TGFBR1: variants seen among roughly 807,000 people sequenced by gnomAD.
TGFBR1 encodes transforming growth factor beta receptor 1.
TGFBR1 carries 20 observed loss-of-function variants against 55.1 expected under a neutral mutation model. The observed-to-expected ratio is 0.36, with a 90% CI of 0.26 to 0.53. The LOEUF is 0.53. Ranked by LOEUF, TGFBR1 falls within the 20% of genes least tolerant of loss-of-function variation. The pLI, the probability that TGFBR1 is intolerant of heterozygous loss-of-function variation, is 0.91. For missense variants in TGFBR1, 385 were observed against 617.6 expected, an observed-to-expected ratio of 0.62 and a Z score of 3.99; for synonymous variants, 220 against 214.8, an observed-to-expected ratio of 1.02 and a Z score of -0.21.
chr9:99,142,299 T>C (rs972713817), intron 4 of TGFBR1, among the ~76,000 whole-genome samples: 1 of 152,208 alleles, frequency 6.6e-6, no homozygotes, highest in African/African-American at 2.4e-5. Context: ...GTCTCTTAAA[T>C]GGGATTAATT....
At chr9:99,143,824 T>C (rs1281052185) in intron 5 of TGFBR1, among the ~76,000 whole-genome samples, 1 of 152,216 alleles carries the variant, frequency 6.6e-6, no homozygotes, top group Non-Finnish European at 1.5e-5. Flanking sequence ...CCCAAACTCC[T>C]TAGCCCTAGG....
At chr9:99,144,440 A>T (rs1827726505) in intron 5 of TGFBR1, among the ~76,000 whole-genome samples, 2 of 152,248 alleles carry the variant, frequency 1.3e-5, no homozygotes, top group South Asian at 4.1e-4. Flanking sequence ...GTTTCTTAAA[A>T]AGAATTCATA....
At chr9:99,138,803 CT>C (rs751810545) in intron 4 of TGFBR1, among the ~76,000 whole-genome samples, 144 of 145,388 alleles carry the variant, frequency 9.9e-4, no homozygotes, top group Middle Eastern at 3.5e-3. Flanking sequence ...ATGATTCCTA[CT>C]TTTTTTTTTT....
chr9:99,105,432 GGGCTCTCGTGGCGCCGCGC>G lies in TGFBR1; in HGVS notation c.97+136_97+154del, dbSNP rs1826380730. ...AGGTGGCGGCGCCGGGGCCCGGGCC[GGGCTCTCGTGGCGCCGCGC>G]GGCTCGGCGGCTGCCGGGCGAACCG... On this transcript the variant is annotated intron_variant, in intron 1 of 8. Transcript: ENST00000374994. 3 of 807,980 alleles carry G rather than the reference GGGCTCTCGTGGCGCCGCGC, an allele frequency of 3.7e-6. 1 individual carries two copies. The highest frequency in any genetic ancestry group is 1.5e-6 in the Non-Finnish European group (1 of 669,724). 50.1% of individuals were successfully genotyped at this position (807,980 alleles called of 1,614,324 possible).
upstream of TGFBR1, chr9:99,104,181 C>T (rs909707315): frequency 6.6e-6 from 1 of 152,156 alleles, no homozygotes; most frequent in Non-Finnish European, 1.5e-5. Flanking sequence ...TTAGTGACAC[C>T]TCAGGATTAT....
At position 99,118,473 on chromosome 9, in the gene TGFBR1, A is replaced by T. The variant is rs767300649; in HGVS notation, c.98-10382A>T. Among the ~76,000 whole-genome samples, 6 of 152,078 alleles carry T rather than the reference A, an allele frequency of 3.9e-5. No individual in the cohort carries two copies. The South Asian group carries it at 1.2e-3, about 32-fold the overall frequency. ...TTTTATTTAATCTGATTATTTCAGAATTTTTTTTAAATTCTGCAATTTACT... is the reference window on the plus strand; with the variant it reads ...TTTTATTTAATCTGATTATTTCAGATTTTTTTTTAAATTCTGCAATTTACT... On this transcript the variant is annotated intron_variant, in intron 1 of 8. Transcript: ENST00000374994.
Position 99,142,518 on chromosome 9 carries a change from G to A in TGFBR1, c.806-18G>A. 1 of 1,613,884 alleles carries A rather than the reference G, an allele frequency of 6.2e-7. No individual in the cohort carries two copies. The highest frequency in any genetic ancestry group is 8.5e-7 in the Non-Finnish European group (1 of 1,179,840). Reference sequence around the variant, plus strand: ...AAATGGTCTGCAGCCCAACCGAAATGTTAATTCTGTTTTACAGACAATGGT... The same window carrying A: ...AAATGGTCTGCAGCCCAACCGAAATATTAATTCTGTTTTACAGACAATGGT... On this transcript the variant is annotated intron_variant, in intron 4 of 8. Transcript: ENST00000374994.
rs1379821622 is a variant in TGFBR1 at position 99,129,415 on chromosome 9, TTTC to T, written c.343+322_343+324del. 9.9e-5 allele frequency among the ~76,000 whole-genome samples: 15 copies of T among 152,216 alleles called. 1 individual carries two copies. The highest frequency in any genetic ancestry group is 9.8e-4 in the Admixed American group (15 of 15,280). On this transcript the variant is annotated intron_variant, in intron 2 of 8. Transcript: ENST00000374994. ...GTCTCTACTTTGTTCTCAGAGTGAA[TTTC>T]TTCTTCCTTGTATAATGCTCCTATC... is the stretch of plus-strand genomic sequence containing the variant.
chr9:99,114,390 G>A (rs1011531086), intron 1 of TGFBR1, among the ~76,000 whole-genome samples: 4 of 152,164 alleles, frequency 2.6e-5, no homozygotes, highest in South Asian at 2.1e-4. Context: ...ATTGCCTATC[G>A]AGAATTCATG....
In TGFBR1 at chr9:99,153,635, T is replaced by G. The variant is rs1828032166; in HGVS notation, c.*4330T>G. 1 of 196,266 alleles carries G rather than the reference T, an allele frequency of 5.1e-6. No homozygotes were observed. 12.2% of individuals were successfully genotyped at this position (196,266 alleles called of 1,614,324 possible). A position where few individuals can be genotyped will look rare whatever the true frequency, so the allele number is the denominator to read the frequency against. On this transcript the variant is annotated 3_prime_UTR_variant, in exon 9 of 9. Transcript: ENST00000374994. ...GAAGAATGGAAGCAGTGCAAATAAA[T>G]TACATTTTTCCCAAGTGCCAGTGGC...
At chr9:99,127,738 T>C in intron 1 of TGFBR1, 1 of 358,824 alleles carries the variant, frequency 2.8e-6, no homozygotes. Context: ...GGCCATTCCG[T>C]GTACCTAGAC....
intron 1 of TGFBR1, among the ~76,000 whole-genome samples, chr9:99,122,114 G>A (rs558362986): frequency 4.2e-4 from 64 of 152,250 alleles, no homozygotes; most frequent in African/African-American, 1.5e-3. Flanking sequence ...TTCAAAGAGA[G>A]ATTTCAGTTG....
At chr9:99,104,973 T>C, upstream of TGFBR1, 1 of 206,340 alleles carries the variant, frequency 4.8e-6, no homozygotes, top group Non-Finnish European at 9.1e-6. Flanking sequence ...ATTGGCTGCC[T>C]GGCGGGCCCG....
At chr9:99,142,838 C>G in intron 5 of TGFBR1, 135 bp downstream of exon 5, 1 of 954,826 alleles carries the variant, frequency 1.0e-6, no homozygotes, top group Non-Finnish European at 1.6e-6. Context: ...GTGGGCAGAT[C>G]GCCCGATCTC....
chr9:99,144,838 A>G lies in TGFBR1; in HGVS notation c.1080A>G (p.Ser360=). 1 of 1,614,066 alleles carries G rather than the reference A, an allele frequency of 6.2e-7. No individual in the cohort carries two copies. The highest frequency in any genetic ancestry group is 8.5e-7 in the Non-Finnish European group (1 of 1,179,928). ...TAGGACTGGCAGTAAGACATGATTC[A>G]GCCACAGATACCATTGATATTGCTC... is the stretch of plus-strand genomic sequence containing the variant. ...ADLGLAVRHD[S]ATDTIDIAPN... The change falls in exon 6 of 9, where the codon TCA becomes TCG. Residue 360 remains serine, a synonymous_variant. Transcript: ENST00000374994.
chr9:99,136,968 A>G (rs1409342134), intron 3 of TGFBR1, among the ~76,000 whole-genome samples: 2 of 152,142 alleles, frequency 1.3e-5, no homozygotes, highest in East Asian at 3.8e-4. Flanking sequence ...CGGATGGTGG[A>G]TAGGATATTA....
chr9:99,151,308 G>T lies in TGFBR1; in HGVS notation c.*2003G>T, dbSNP rs2118885918. The stretch of plus-strand genomic sequence containing the variant: ...TGAAGCAAATGAATGAGTTTGAGAG[G>T]TTTGTTTTTATAGTTGTGTTGTATT... On this transcript the variant is annotated 3_prime_UTR_variant, in exon 9 of 9. Coordinates refer to ENST00000374994, the MANE Select transcript of TGFBR1 (RefSeq NM_004612.4). The T allele has an allele frequency of 4.3e-6, 1 of 230,026 alleles. No individual in the cohort carries two copies. Among genetic ancestry groups the T allele is most frequent in the Middle Eastern group, 1.3e-3 (1 of 756 alleles). The allele number at this position is 230,026 out of a possible 1,614,324, so 14.2% of individuals were successfully genotyped here.
chr9:99,105,170 G>T lies in TGFBR1; in HGVS notation c.-36G>T. The stretch of plus-strand genomic sequence containing the variant: ...GCTGGGGTGAGGCAGCGGCGCGGCC[G>T]GGCCGGGCCGGGCCACAGGCGGTGG... On this transcript the variant is annotated 5_prime_UTR_variant, in exon 1 of 9. Coordinates refer to ENST00000374994, the MANE Select transcript of TGFBR1 (RefSeq NM_004612.4). 9.2e-7 allele frequency: 1 copy of T among 1,083,292 alleles called. No homozygotes were observed. The highest frequency in any genetic ancestry group is 1.1e-6 in the Non-Finnish European group (1 of 892,850). The allele number at this position is 1,083,292 out of a possible 1,614,324, so 67.1% of individuals were successfully genotyped here. A position where few individuals can be genotyped will look rare whatever the true frequency, so the allele number is the denominator to read the frequency against.
At chr9:99,117,298 C>T (rs1171537706) in intron 1 of TGFBR1, among the ~76,000 whole-genome samples, 3 of 150,536 alleles carry the variant, frequency 2.0e-5, no homozygotes, top group African/African-American at 7.3e-5. Flanking sequence ...GGGGTTTCAC[C>T]GTGTTGGCCA....
Sources: allele counts gnomAD v4.1 joint callset (sites outside exome capture counted in the v4.1 genomes callset), GRCh38; gene constraint gnomAD v4.1.1; transcripts MANE v1.5; gene names NCBI Gene and HGNC (gene_info 2026-07-23, HGNC 2026-07-21).